The following WDHD1 variants were observed in gnomAD, a reference collection of about 807,000 sequenced individuals.
WDHD1 encodes the protein WD repeat and HMG-box DNA-binding protein 1.
Under a neutral mutation model 135.4 loss-of-function variants are expected in WDHD1, and 111 were observed. The observed-to-expected ratio is 0.82, with a 90% CI of 0.70 to 0.96. WDHD1 has a LOEUF of 0.96. WDHD1 is among the 40% of genes least tolerant of loss of function. The pLI is 0.00. For synonymous variants in WDHD1, 434 were observed against 439.0 expected (o/e 0.99, Z 0.14); for missense variants, 1,351 against 1,336.3 (o/e 1.01, Z -0.17).
In WDHD1 at chr14:54,984,868, G is replaced by C. The variant is rs1489645055; in HGVS notation, c.1769-8C>G. ...CCCCATCAAATCCTGTACCTAATGAGAAAATGTAAATATAAATCAGGCATC... is the reference window on the plus strand; with the variant it reads ...CCCCATCAAATCCTGTACCTAATGACAAAATGTAAATATAAATCAGGCATC... On this transcript the variant is annotated splice_region_variant and splice_polypyrimidine_tract_variant and intron_variant, in intron 14 of 25. Coordinates refer to ENST00000360586, the MANE Select transcript of WDHD1 (RefSeq NM_007086.4). The C allele has an allele frequency of 1.2e-6, 2 of 1,607,104 alleles. No homozygotes were observed. The highest frequency in any genetic ancestry group is 3.4e-5 in the Admixed American group (2 of 57,984).
At chr14:54,953,255 A>G (rs1245874310) in intron 24 of WDHD1, among the ~76,000 whole-genome samples, 1 of 152,224 alleles carries the variant, frequency 6.6e-6, no homozygotes, top group Non-Finnish European at 1.5e-5. Context: ...CAGAATCTAC[A>G]AAGAACTCAA....
At chr14:55,014,294 T>A (rs2042224711) in intron 2 of WDHD1, among the ~76,000 whole-genome samples, 1 of 152,212 alleles carries the variant, frequency 6.6e-6, no homozygotes, top group South Asian at 2.1e-4. Context: ...GTCCCTACGT[T>A]GCCCAGGCTG....
At chr14:54,981,765 T>C (rs1278788716) in intron 15 of WDHD1, 69 bp from the exon 16 acceptor site, 6 of 948,740 alleles carry the variant, frequency 6.3e-6, no homozygotes, top group Non-Finnish European at 8.0e-6. Context: ...ATTTCAAATA[T>C]ATTATACATA....
At chr14:54,942,113 T>C (rs1278303713) in intron 25 of WDHD1, among the ~76,000 whole-genome samples, 1 of 151,934 alleles carries the variant, frequency 6.6e-6, no homozygotes, top group Non-Finnish European at 1.5e-5. Flanking sequence ...TAGCCGGGCA[T>C]GGTAGCGGGC....
chr14:54,970,329 A>G (rs1377972070), intron 16 of WDHD1, among the ~76,000 whole-genome samples: 1 of 152,240 alleles, frequency 6.6e-6, no homozygotes, highest in Non-Finnish European at 1.5e-5. Context: ...ATACAAAATC[A>G]ATATACAAAA....
chr14:55,005,466 T>C (rs2042050110), intron 7 of WDHD1: 1 of 566,946 alleles, frequency 1.8e-6, no homozygotes. Flanking sequence ...GATATGACAC[T>C]GACATTGAAA....
intron 16 of WDHD1, among the ~76,000 whole-genome samples, chr14:54,976,466 G>C (rs1442191983): frequency 2.6e-5 from 4 of 152,084 alleles, no homozygotes; most frequent in Admixed American, 6.6e-5. Flanking sequence ...CGATGTGTTG[G>C]GATTACAGCT....
At chr14:54,998,283 A>G (rs994641365) in intron 10 of WDHD1, among the ~76,000 whole-genome samples, 2 of 151,910 alleles carry the variant, frequency 1.3e-5, no homozygotes, top group South Asian at 4.2e-4. Flanking sequence ...CAGATGTGAA[A>G]TTAGCCCAGC....
chr14:55,010,355 G>A lies in WDHD1; in HGVS notation c.295C>T (p.His99Tyr). 1.2e-6 allele frequency: 2 copies of A among 1,612,280 alleles called. No individual in the cohort carries two copies. The highest frequency in any genetic ancestry group is 1.7e-6 in the Non-Finnish European group (2 of 1,179,334). The change falls in exon 4 of 26, where the codon CAT becomes TAT. Residue 99 changes from histidine to tyrosine, a missense_variant. Physicochemically the swap from His to Tyr is moderately conservative, Grantham distance 83 (BLOSUM62 2). This residue lies in a region of WDHD1 where 1,330 missense variants were observed against 1,296.1 expected (regional missense o/e 1.03). Transcript: ENST00000360586. ...ILTRFTTNAN[H>Y]VVFNGDGTKI... is the part of the protein sequence containing the mutation. Reference sequence around the variant, plus strand: ...GTACCATCCCCATTAAAGACCACATGGTTTGCATTTGTAGTGAAGCGAGTC... The same window carrying A: ...GTACCATCCCCATTAAAGACCACATAGTTTGCATTTGTAGTGAAGCGAGTC...
chr14:54,953,183 C>G (rs1472184384), intron 24 of WDHD1, among the ~76,000 whole-genome samples: 2 of 152,136 alleles, frequency 1.3e-5, no homozygotes, highest in South Asian at 2.1e-4. Flanking sequence ...TCAGAGTGAA[C>G]AGGCAACCTA....
chr14:54,965,971 A>T (rs1296272853), intron 18 of WDHD1, among the ~76,000 whole-genome samples: 1 of 151,602 alleles, frequency 6.6e-6, no homozygotes, highest in Non-Finnish European at 1.5e-5. Context: ...AAAAAAAAGA[A>T]AAAAATTTTA....
intron 2 of WDHD1, among the ~76,000 whole-genome samples, chr14:55,019,323 C>T (rs2042307586): frequency 6.6e-6 from 1 of 151,774 alleles, no homozygotes; most frequent in African/African-American, 2.4e-5. Flanking sequence ...CTTAGGTAAA[C>T]TGGGTAAGTT....
At chr14:55,010,285 T>C (rs750366661) in intron 4 of WDHD1, 24 bp downstream of exon 4, 13 of 1,550,482 alleles carry the variant, frequency 8.4e-6, no homozygotes, top group African/African-American at 1.4e-5. Flanking sequence ...CATTATTTCC[T>C]TTTCTGATGT....
chr14:55,016,110 A>G (rs933586060), intron 2 of WDHD1, among the ~76,000 whole-genome samples: 2 of 152,260 alleles, frequency 1.3e-5, no homozygotes, highest in African/African-American at 4.8e-5. Flanking sequence ...AGAATTAATA[A>G]GAAATAAAGG....
intron 2 of WDHD1, among the ~76,000 whole-genome samples, chr14:55,022,562 A>C (rs2042366682): frequency 6.6e-6 from 1 of 152,046 alleles, no homozygotes; most frequent in Non-Finnish European, 1.5e-5. Flanking sequence ...TATGCCTGTA[A>C]TCCCAGCTAC....
chr14:55,013,336 G>A (rs1002727027), intron 3 of WDHD1, 149 bp downstream of exon 3: 2 of 530,872 alleles, frequency 3.8e-6, no homozygotes, highest in Non-Finnish European at 3.2e-6. Context: ...AAAAATGGTA[G>A]GGCAAGTTAC....
At position 54,995,666 on chromosome 14, in the gene WDHD1, T is replaced by C; in HGVS notation, c.1090A>G (p.Met364Val). 1 of 1,613,746 alleles carries C rather than the reference T, an allele frequency of 6.2e-7. No individual in the cohort carries two copies. Among genetic ancestry groups the C allele is most frequent in the Admixed American group, 1.7e-5 (1 of 59,902 alleles). ...TGTCTAGGACGACCTGAAGCCATCA[T>C]GAGGTCTTCATCATCCTCATCATCA... ...INDDEDDEDL[M>V]MASGRPRQRS... Residue 364 changes from methionine (M) to valine (V), a missense_variant, in exon 11 of 26, where the codon ATG (methionine) becomes GTG (valine). Met to Val is a conservative substitution (Grantham distance 21). This residue lies in a region of WDHD1 where 1,330 missense variants were observed against 1,296.1 expected (regional missense o/e 1.03). Transcript: ENST00000360586.
intron 10 of WDHD1, among the ~76,000 whole-genome samples, chr14:54,999,057 A>T (rs374348180): frequency 2.0e-5 from 3 of 151,558 alleles, no homozygotes; most frequent in African/African-American, 7.3e-5. Flanking sequence ...GAGTTAAGAA[A>T]CTCTCTCTTT....
intron 2 of WDHD1, 42 bp downstream of exon 2, chr14:55,026,669 T>C: frequency 1.3e-6 from 2 of 1,593,080 alleles, no homozygotes; most frequent in Non-Finnish European, 1.7e-6. Context: ...GATAAATGTT[T>C]TAACATTTGC....
Sources: allele counts gnomAD v4.1 joint callset (sites outside exome capture counted in the v4.1 genomes callset), GRCh38; gene constraint gnomAD v4.1.1; regional missense constraint gnomAD v4.1.1; transcripts MANE v1.5; gene names NCBI Gene and HGNC (gene_info 2026-07-23, HGNC 2026-07-21).